Variants in MBD5 observed in about 807,000 individuals in gnomAD.
The protein encoded by MBD5 is methyl-CpG-binding domain protein 5.
Under a neutral mutation model 117.3 loss-of-function variants are expected in MBD5, and 13 were observed. The ratio of observed to expected loss-of-function variants is 0.11; its 90% CI spans 0.07 to 0.18. The LOEUF (loss-of-function observed/expected upper bound fraction) is 0.18. Among genes scored for constraint, MBD5 ranks in the 10% least tolerant of loss-of-function variants. The probability of loss-of-function intolerance (pLI) is 1.00; values close to 1 mark genes in which losing one functional copy is unlikely to be tolerated. For synonymous variants in MBD5, 727 were observed against 766.4 expected (o/e 0.95, Z 0.85); for missense variants, 1,879 against 2,093.8 (o/e 0.90, Z 2.00).
At chr2:148,362,950 A>G (rs148283448) in intron 4 of MBD5, among the ~76,000 whole-genome samples, 1,615 of 152,288 alleles carry the variant, frequency 0.011, 13 homozygotes, top group African/African-American at 0.034. Flanking sequence ...CAACATCAAC[A>G]AAAAGGAAAT....
At chr2:148,332,493 T>C (rs1178517727) in intron 3 of MBD5, among the ~76,000 whole-genome samples, 3 of 152,206 alleles carry the variant, frequency 2.0e-5, no homozygotes, top group Non-Finnish European at 2.9e-5. Flanking sequence ...TTCATGTCTT[T>C]TCCTTCTTGA....
intron 3 of MBD5, among the ~76,000 whole-genome samples, chr2:148,276,903 G>A (rs1255223211): frequency 4.6e-5 from 7 of 151,980 alleles, no homozygotes; most frequent in African/African-American, 7.3e-5. Context: ...CAGAATTTGG[G>A]GTAAAAATTC....
intron 3 of MBD5, among the ~76,000 whole-genome samples, chr2:148,279,345 G>A (rs928212102): frequency 6.6e-6 from 1 of 152,186 alleles, no homozygotes; most frequent in Non-Finnish European, 1.5e-5. Flanking sequence ...CGGCAGGATC[G>A]TTTAAGCACA....
chr2:148,492,672 A>G (rs1342053245), intron 11 of MBD5, among the ~76,000 whole-genome samples: 1 of 152,014 alleles, frequency 6.6e-6, no homozygotes, highest in Non-Finnish European at 1.5e-5. Context: ...TTTCCTCTAT[A>G]CAACACAAAA....
intron 3 of MBD5, among the ~76,000 whole-genome samples, chr2:148,335,728 T>C (rs1204566096): frequency 2.0e-5 from 3 of 151,626 alleles, no homozygotes; most frequent in Admixed American, 2.0e-4. Context: ...TAAAGAATAA[T>C]AATAATAATA....
chr2:148,294,515 T>TTTTTTTTTTTTTTTG (rs1701600822), intron 3 of MBD5, among the ~76,000 whole-genome samples: 2 of 64,608 alleles, frequency 3.1e-5, no homozygotes, highest in Non-Finnish European at 8.0e-5. Context: ...TTTTTTTTTT[T>TTTTTTTTTTTTTTTG]TTTTTTGAGA....
rs115908086 is a variant in MBD5 at position 148,355,534 on chromosome 2, G to A, written c.-557+13198G>A. Among the ~76,000 whole-genome samples, 256 of 152,168 alleles carry A rather than the reference G, an allele frequency of 1.7e-3. 1 individual carries two copies. Among genetic ancestry groups the A allele is most frequent in the African/African-American group, 5.8e-3 (239 of 41,514 alleles). On this transcript the variant is annotated intron_variant, in intron 4 of 13. Coordinates refer to ENST00000642680, the MANE Select transcript of MBD5 (RefSeq NM_001378120.1). ...TTTTCCCAACAGCATTATTAAATAG[G>A]GGATCCTTTCCCCATTGCTTGTTTT...
At chr2:148,165,244 C>A (rs887331901) in intron 1 of MBD5, among the ~76,000 whole-genome samples, 2 of 152,032 alleles carry the variant, frequency 1.3e-5, no homozygotes, top group Non-Finnish European at 2.9e-5. Flanking sequence ...ATTTGAATTA[C>A]AGATGTTAGA....
chr2:148,462,479 A>C, intron 5 of MBD5, 103 bp from the exon 6 acceptor site: 1 of 773,498 alleles, frequency 1.3e-6, no homozygotes, highest in Non-Finnish European at 2.2e-6. Context: ...CCCTAGTGGG[A>C]AAATATCCCA....
intron 4 of MBD5, among the ~76,000 whole-genome samples, chr2:148,447,258 A>G (rs1318279385): frequency 8.8e-5 from 13 of 147,222 alleles, no homozygotes; most frequent in Admixed American, 2.7e-4. Context: ...GGGAGGAAGG[A>G]AGGAAGGAAG....
chr2:148,480,130 AG>A (rs1681104852), intron 8 of MBD5, among the ~76,000 whole-genome samples: 1 of 152,104 alleles, frequency 6.6e-6, no homozygotes, highest in African/African-American at 2.4e-5. Flanking sequence ...TGAAAATTAA[AG>A]AAAAATTTAA....
At chr2:148,115,998 C>T (rs989326723) in intron 1 of MBD5, among the ~76,000 whole-genome samples, 1 of 151,964 alleles carries the variant, frequency 6.6e-6, no homozygotes, top group African/African-American at 2.4e-5. Flanking sequence ...TGCATGCCAC[C>T]ACGCCCAGCT....
intron 4 of MBD5, among the ~76,000 whole-genome samples, chr2:148,404,662 A>G (rs1176939372): frequency 6.6e-6 from 1 of 152,046 alleles, no homozygotes; most frequent in Non-Finnish European, 1.5e-5. Context: ...GGATCACTTC[A>G]TTTGTTTACT....
At chr2:148,053,467 A>G (rs762976336) in intron 1 of MBD5, among the ~76,000 whole-genome samples, 44 of 152,112 alleles carry the variant, frequency 2.9e-4, no homozygotes, top group Non-Finnish European at 4.3e-4. Flanking sequence ...ACATTTTATT[A>G]TTCTGTGTTG....
At chr2:148,512,561 G>C (rs1053442396) in intron 13 of MBD5, among the ~76,000 whole-genome samples, 1 of 152,142 alleles carries the variant, frequency 6.6e-6, no homozygotes, top group Non-Finnish European at 1.5e-5. Flanking sequence ...ATGGACAATG[G>C]GGGTAACAAC....
intron 3 of MBD5, among the ~76,000 whole-genome samples, chr2:148,258,614 C>A (rs942909609): frequency 6.6e-6 from 1 of 152,176 alleles, no homozygotes; most frequent in Non-Finnish European, 1.5e-5. Context: ...TGAGGTAAAG[C>A]ACCCGGGTGG....
intron 3 of MBD5, among the ~76,000 whole-genome samples, chr2:148,268,317 C>T (rs541738858): frequency 4.6e-5 from 7 of 151,996 alleles, no homozygotes; most frequent in Admixed American, 2.6e-4. Flanking sequence ...CCTAATCTCA[C>T]GCAATCCCCC....
intron 1 of MBD5, among the ~76,000 whole-genome samples, chr2:148,036,197 A>G (rs964553384): frequency 6.6e-6 from 1 of 152,142 alleles, no homozygotes; most frequent in African/African-American, 2.4e-5. Flanking sequence ...AAACAGACAT[A>G]CAGAGTGTTT....
In MBD5 at chr2:148,048,555, T is replaced by G. The variant is rs901842431; in HGVS notation, c.-925+26871T>G. Among the ~76,000 whole-genome samples, 11 of 152,018 alleles carry G rather than the reference T, an allele frequency of 7.2e-5. 1 individual carries two copies. Among genetic ancestry groups the G allele is most frequent in the Non-Finnish European group, 1.5e-5 (1 of 68,022 alleles). ...TCTATTTTTGGACATTAGCAAAGTC[T>G]TCTTCAGGGAGCACTGACCTGAAGA... On this transcript the variant is annotated intron_variant, in intron 1 of 13. Coordinates refer to ENST00000642680, the MANE Select transcript of MBD5 (RefSeq NM_001378120.1).
Sources: gnomAD v4.1 joint callset for allele counts (sites outside exome capture counted in the v4.1 genomes callset) on GRCh38, gnomAD v4.1.1 for gene constraint, MANE v1.5 for transcripts, NCBI Gene and HGNC (gene_info 2026-07-23, HGNC 2026-07-21) for gene names.